The following TSHZ3 variants were observed in gnomAD, a reference collection of about 807,000 sequenced individuals.
TSHZ3 encodes the protein teashirt zinc finger homeobox 3.
In TSHZ3, 10 loss-of-function variants were observed where a neutral mutation model predicts 64.5. The observed-to-expected ratio is 0.16, with a 90% CI of 0.10 to 0.26. The LOEUF (loss-of-function observed/expected upper bound fraction) is 0.26, where lower values mean the gene tolerates loss of function less well. Among genes scored for constraint, TSHZ3 ranks in the 10% least tolerant of loss-of-function variants. TSHZ3 has a pLI of 1.00. For missense variants in TSHZ3, 1,242 were observed against 1,421.7 expected (o/e 0.87, Z 2.03); for synonymous variants, 608 against 593.1 (o/e 1.03, Z -0.36).
chr19:31,243,858 T>C (rs1975727535), intron 1 of TSHZ3, among the ~76,000 whole-genome samples: 1 of 152,222 alleles, frequency 6.6e-6, no homozygotes, highest in Non-Finnish European at 1.5e-5. Flanking sequence ...TATCAAATCA[T>C]GATTTCTCAT....
At chr19:31,186,421 G>A (rs1568341047) in intron 5 of TSHZ3, among the ~76,000 whole-genome samples, 2 of 152,126 alleles carry the variant, frequency 1.3e-5, no homozygotes, top group Non-Finnish European at 2.9e-5. Flanking sequence ...TTTATAAGAG[G>A]CTTTTCCCCC....
chr19:31,259,538 G>A (rs1363097594), intron 1 of TSHZ3, among the ~76,000 whole-genome samples: 2 of 152,076 alleles, frequency 1.3e-5, no homozygotes, highest in Admixed American at 6.5e-5. Flanking sequence ...ACATGGGCTG[G>A]GGTCTGTGGT....
chr19:31,295,253 A>G (rs1976642912), intron 1 of TSHZ3, among the ~76,000 whole-genome samples: 2 of 152,250 alleles, frequency 1.3e-5, no homozygotes, highest in South Asian at 4.1e-4. Context: ...GTCAGTATCT[A>G]CGAAAGCTAC....
At chr19:31,265,771 A>G (rs1469296355) in intron 1 of TSHZ3, among the ~76,000 whole-genome samples, 1 of 152,166 alleles carries the variant, frequency 6.6e-6, no homozygotes, top group Admixed American at 6.5e-5. Context: ...TTTCCCCTGA[A>G]GGTTGCTGAG....
chr19:31,220,623 A>AT (rs1975384228), intron 4 of TSHZ3, among the ~76,000 whole-genome samples: 1 of 152,182 alleles, frequency 6.6e-6, no homozygotes, highest in East Asian at 1.9e-4. Flanking sequence ...ATTAGTGGCT[A>AT]TTAGTAGCTA....
intron 1 of TSHZ3, among the ~76,000 whole-genome samples, chr19:31,284,630 G>A (rs190615574): frequency 2.0e-5 from 3 of 152,270 alleles, no homozygotes; most frequent in Non-Finnish European, 4.4e-5. Flanking sequence ...CAGTGAAGTG[G>A]AGAATGCGGG....
At chr19:31,179,355 G>C (rs1295641347) in intron 5 of TSHZ3, among the ~76,000 whole-genome samples, 2 of 152,124 alleles carry the variant, frequency 1.3e-5, no homozygotes, top group African/African-American at 4.8e-5. Flanking sequence ...AGAAAGACAG[G>C]GGAACAAATA....
intron 1 of TSHZ3, among the ~76,000 whole-genome samples, chr19:31,264,553 G>A (rs1407672861): frequency 2.0e-5 from 3 of 152,186 alleles, no homozygotes; most frequent in African/African-American, 7.2e-5. Context: ...GCCAGCCAGA[G>A]AGCGGATGTC....
At chr19:31,251,807 G>C (rs774886657) in intron 1 of TSHZ3, among the ~76,000 whole-genome samples, 1 of 152,210 alleles carries the variant, frequency 6.6e-6, no homozygotes, top group African/African-American at 2.4e-5. Context: ...ACCTACCACA[G>C]AGCCAGGGCT....
At chr19:31,188,987 G>A (rs1445097801) in intron 5 of TSHZ3, among the ~76,000 whole-genome samples, 1 of 151,876 alleles carries the variant, frequency 6.6e-6, no homozygotes, top group African/African-American at 2.4e-5. Context: ...TTTATGTTCT[G>A]TGTGTTAATT....
intron 4 of TSHZ3, among the ~76,000 whole-genome samples, chr19:31,208,524 G>C: frequency 6.6e-6 from 1 of 152,186 alleles, no homozygotes; most frequent in South Asian, 2.1e-4. Context: ...ATTGTGAGCA[G>C]ATAAAAACAT....
intron 1 of TSHZ3, among the ~76,000 whole-genome samples, chr19:31,315,029 C>G (rs1275555282): frequency 6.6e-6 from 1 of 152,200 alleles, no homozygotes. Flanking sequence ...AATCCTGCCA[C>G]CAGGGGTTGC....
At chr19:31,184,039 C>G (rs185599695) in intron 5 of TSHZ3, among the ~76,000 whole-genome samples, 1 of 151,926 alleles carries the variant, frequency 6.6e-6, no homozygotes, top group South Asian at 2.1e-4. Flanking sequence ...CAGAACGTGA[C>G]GATATTATGA....
At chr19:31,270,277 G>C (rs914337850), downstream of TSHZ3, among the ~76,000 whole-genome samples, 1 of 152,204 alleles carries the variant, frequency 6.6e-6, no homozygotes, top group African/African-American at 2.4e-5. Flanking sequence ...TCACTGAGAT[G>C]TGAGCTCTTA....
chr19:31,304,068 G>A (rs572158119), intron 1 of TSHZ3, among the ~76,000 whole-genome samples: 9 of 151,846 alleles, frequency 5.9e-5, no homozygotes, highest in South Asian at 2.1e-4. Context: ...TCCGCCTCCC[G>A]GGTTCAAGTG....
rs1179290821 is a variant in TSHZ3 at position 31,292,707 on chromosome 19, C to A, written c.41-12955G>T. On this transcript the variant is annotated intron_variant, in intron 1 of 1. Transcript: ENST00000240587. ...CTTATTCATCTATCCATCCAAAAACCTATCCATCCAAAACCCATCCACCCA... is the reference window on the plus strand; with the variant it reads ...CTTATTCATCTATCCATCCAAAAACATATCCATCCAAAACCCATCCACCCA... 2.0e-5 allele frequency among the ~76,000 whole-genome samples: 3 copies of A among 151,252 alleles called. No individual in the cohort carries two copies. In the East Asian group the frequency reaches 5.8e-4, roughly 29 times the overall value.
chr19:31,296,615 C>T (rs887651406), intron 1 of TSHZ3, among the ~76,000 whole-genome samples: 4 of 152,276 alleles, frequency 2.6e-5, no homozygotes, highest in South Asian at 2.1e-4. Context: ...GGATTACAGG[C>T]GTGGGCCACC....
chr19:31,310,722 T>C (rs1356268920), intron 1 of TSHZ3, among the ~76,000 whole-genome samples: 1 of 152,214 alleles, frequency 6.6e-6, no homozygotes, highest in Admixed American at 6.5e-5. Flanking sequence ...TTGAGCAAGC[T>C]ACAAAACCTC....
At chr19:31,200,677 CTA>C (rs1312052092) in intron 5 of TSHZ3, among the ~76,000 whole-genome samples, 2 of 152,228 alleles carry the variant, frequency 1.3e-5, no homozygotes, top group Non-Finnish European at 2.9e-5. Flanking sequence ...TTCCCTAAAT[CTA>C]TAGAACACGC....
Sources: gnomAD v4.1 joint callset for allele counts (sites outside exome capture counted in the v4.1 genomes callset) on GRCh38, gnomAD v4.1.1 for gene constraint, MANE v1.5 for transcripts, NCBI Gene and HGNC (gene_info 2026-07-23, HGNC 2026-07-21) for gene names.